The following TTC28 variants were observed in gnomAD, a reference collection of about 807,000 sequenced individuals.
TTC28 encodes the protein tetratricopeptide repeat protein 28.
Under a neutral mutation model 198.0 loss-of-function variants are expected in TTC28, and 61 were observed. That is an observed-to-expected ratio of 0.31 (90% CI 0.25 to 0.38). The LOEUF (loss-of-function observed/expected upper bound fraction) is 0.38. Ranked by LOEUF, TTC28 falls within the 10% of genes least tolerant of loss-of-function variation. The pLI is 1.00. For synonymous variants in TTC28, 1,171 were observed against 1,297.8 expected (o/e 0.90, Z 2.10); for missense variants, 2,678 against 3,164.0 (o/e 0.85, Z 3.69).
chr22:27,997,373 G>A (rs1392018859), intron 16 of TTC28: 1 of 152,222 alleles, frequency 6.6e-6, no homozygotes, highest in Non-Finnish European at 1.5e-5. Context: ...CTACAGTTGT[G>A]TTTGTAAAGT....
intron 13 of TTC28, among the ~76,000 whole-genome samples, chr22:28,017,981 G>A (rs1938436198): frequency 6.6e-6 from 1 of 152,202 alleles, no homozygotes; most frequent in Admixed American, 6.5e-5. Context: ...CTCTCTCCAG[G>A]CCGCCAAGCC....
intron 13 of TTC28, among the ~76,000 whole-genome samples, chr22:28,020,004 G>C (rs1938526695): frequency 6.6e-6 from 1 of 152,248 alleles, no homozygotes; most frequent in African/African-American, 2.4e-5. Flanking sequence ...CTCCTCTTCA[G>C]ATGAGGAACC....
rs553543821 is a variant in TTC28 at position 28,416,497 on chromosome 22, T to A, written c.382-109854A>T. Among the ~76,000 whole-genome samples the A allele has an allele frequency of 4.6e-3, 694 of 152,348 alleles. 5 individuals are homozygous for A. The highest frequency in any genetic ancestry group is 0.016 in the African/African-American group (652 of 41,576). On this transcript the variant is annotated intron_variant, in intron 2 of 22. Coordinates refer to ENST00000397906, the MANE Select transcript of TTC28 (RefSeq NM_001145418.2). ...TCTCCATCCCTAAAGAACTTTATAC[T>A]TTGCTAGTGACAAATCAGAGGAAGA...
At position 28,001,672 on chromosome 22, in the gene TTC28, G is replaced by A. The variant is rs1027259667; in HGVS notation, c.4219-119C>T. The A allele has an allele frequency of 4.1e-6, 5 of 1,232,890 alleles. No individual in the cohort carries two copies. In the African/African-American group the frequency reaches 7.5e-5, roughly 19 times the overall value. 76.4% of individuals were successfully genotyped at this position (1,232,890 alleles called of 1,614,324 possible). A position where few individuals can be genotyped will look rare whatever the true frequency, so the allele number is the denominator to read the frequency against. ...AAGCACGAGCAGGTGAGGCCTGTGG[G>A]GGTGTGGGGCGCCATGGGGCATGGG... On this transcript the variant is annotated intron_variant, in intron 14 of 22. Coordinates refer to ENST00000397906, the MANE Select transcript of TTC28 (RefSeq NM_001145418.2).
intron 19 of TTC28, among the ~76,000 whole-genome samples, chr22:27,991,278 T>C (rs1021834910): frequency 2.6e-5 from 4 of 152,218 alleles, no homozygotes; most frequent in East Asian, 1.9e-4. Flanking sequence ...CTTTTTGGCC[T>C]CTCAGCACAG....
At chr22:28,638,055 G>A (rs1480695394) in intron 1 of TTC28, among the ~76,000 whole-genome samples, 1 of 152,026 alleles carries the variant, frequency 6.6e-6, no homozygotes, top group Non-Finnish European at 1.5e-5. Flanking sequence ...AATATATGAA[G>A]CAAATATTAA....
intron 12 of TTC28, among the ~76,000 whole-genome samples, chr22:28,082,602 T>G (rs370597620): frequency 6.6e-6 from 1 of 152,220 alleles, no homozygotes; most frequent in African/African-American, 2.4e-5. Context: ...AAATCCCACA[T>G]AGTCATGGTG....
intron 5 of TTC28, among the ~76,000 whole-genome samples, chr22:28,274,329 A>G (rs937050403): frequency 6.6e-6 from 1 of 152,230 alleles, no homozygotes; most frequent in African/African-American, 2.4e-5. Context: ...ACATCAATGA[A>G]TAACAGCAGT....
At chr22:28,125,408 T>C (rs1942889674) in intron 6 of TTC28, among the ~76,000 whole-genome samples, 1 of 152,236 alleles carries the variant, frequency 6.6e-6, no homozygotes, top group Admixed American at 6.5e-5. Flanking sequence ...TAAAAGATGA[T>C]GAACACGGCT....
chr22:28,075,191 TTA>T (rs1188805411), intron 12 of TTC28, among the ~76,000 whole-genome samples: 1 of 152,112 alleles, frequency 6.6e-6, no homozygotes, highest in East Asian at 1.9e-4. Context: ...AGAAGACCAA[TTA>T]TAGTTATCCT....
intron 13 of TTC28, among the ~76,000 whole-genome samples, chr22:28,018,256 T>TGTGTGTGTGTGG (rs1938446872): frequency 8.0e-6 from 1 of 124,942 alleles, no homozygotes; most frequent in Non-Finnish European, 1.6e-5. Flanking sequence ...TGTGTGTGTG[T>TGTGTGTGTGTGG]GTGTGTGTGT....
intron 2 of TTC28, among the ~76,000 whole-genome samples, chr22:28,583,312 TTAAG>T (rs1367328903): frequency 1.3e-5 from 2 of 152,188 alleles, no homozygotes; most frequent in African/African-American, 4.8e-5. Context: ...TCTTCAAGAA[TTAAG>T]TAAAAGTTAT....
intron 2 of TTC28, among the ~76,000 whole-genome samples, chr22:28,406,448 T>C (rs569225992): frequency 6.6e-6 from 1 of 152,350 alleles, no homozygotes; most frequent in Admixed American, 6.5e-5. Context: ...CTGAAATCTA[T>C]GCTTGAGACA....
intron 2 of TTC28, among the ~76,000 whole-genome samples, chr22:28,591,022 CACACACACACACACACACATATAT>C (rs1383577804): frequency 1.4e-5 from 1 of 70,116 alleles, no homozygotes; most frequent in East Asian, 4.2e-4. Flanking sequence ...CACACACACA[CACACACACACACACACACATATAT>C]ATATATATAT....
intron 2 of TTC28, among the ~76,000 whole-genome samples, chr22:28,573,628 C>A (rs771713513): frequency 2.6e-5 from 4 of 151,800 alleles, no homozygotes; most frequent in Non-Finnish European, 4.4e-5. Context: ...GCATATAATG[C>A]GTAATAATCA....
intron 2 of TTC28, among the ~76,000 whole-genome samples, chr22:28,330,050 C>A (rs2045591420): frequency 6.6e-6 from 1 of 152,144 alleles, no homozygotes; most frequent in South Asian, 2.1e-4. Flanking sequence ...GTGATGCATT[C>A]CTATGAAATT....
At chr22:28,293,387 A>G (rs982833871) in intron 5 of TTC28, among the ~76,000 whole-genome samples, 1 of 152,136 alleles carries the variant, frequency 6.6e-6, no homozygotes, top group Non-Finnish European at 1.5e-5. Context: ...AAATTACTAC[A>G]TGATCTCATT....
At chr22:28,296,411 T>A in intron 4 of TTC28, 83 bp from the exon 5 acceptor site, 1 of 1,168,632 alleles carries the variant, frequency 8.6e-7, no homozygotes, top group Non-Finnish European at 1.1e-6. Flanking sequence ...CATCTTAATT[T>A]AAGAGCCACA....
chr22:28,485,193 A>G (rs1187371063), intron 2 of TTC28, among the ~76,000 whole-genome samples: 6 of 152,198 alleles, frequency 3.9e-5, no homozygotes, highest in African/African-American at 1.4e-4. Flanking sequence ...GAAAATTAGA[A>G]GAGACTACAA....
Sources: gnomAD v4.1 joint callset for allele counts (sites outside exome capture counted in the v4.1 genomes callset) on GRCh38, gnomAD v4.1.1 for gene constraint, MANE v1.5 for transcripts, NCBI Gene and HGNC (gene_info 2026-07-23, HGNC 2026-07-21) for gene names.